The following PCDH7 variants were observed in gnomAD, a reference collection of about 807,000 sequenced individuals.
PCDH7 encodes protocadherin 7, also known as protocadherin-7.
PCDH7 carries 17 observed loss-of-function variants against 58.9 expected under a neutral mutation model. That is an observed-to-expected ratio of 0.29 (90% CI 0.20 to 0.43). PCDH7 has a LOEUF of 0.43. Ranked by LOEUF, PCDH7 falls within the 20% of genes least tolerant of loss-of-function variation. The probability of loss-of-function intolerance (pLI) is 1.00; values close to 1 mark genes in which losing one functional copy is unlikely to be tolerated. For missense variants in PCDH7, 1,274 were observed against 1,441.0 expected, an observed-to-expected ratio of 0.88 and a Z score of 1.88; for synonymous variants, 664 against 616.4, an observed-to-expected ratio of 1.08 and a Z score of -1.14.
intron 1 of PCDH7, among the ~76,000 whole-genome samples, chr4:30,914,118 G>A (rs1023557829): frequency 2.0e-5 from 3 of 152,068 alleles, no homozygotes; most frequent in African/African-American, 7.2e-5. Context: ...TTGCCTACTC[G>A]TGTGGCCTCT....
At chr4:31,065,926 T>C (rs1758052537) in intron 3 of PCDH7, among the ~76,000 whole-genome samples, 1 of 151,938 alleles carries the variant, frequency 6.6e-6, no homozygotes, top group African/African-American at 2.4e-5. Context: ...GTTATTTTGG[T>C]AATGGAGGTG....
At chr4:31,026,244 G>T (rs1350231417) in intron 3 of PCDH7, among the ~76,000 whole-genome samples, 1 of 152,062 alleles carries the variant, frequency 6.6e-6, no homozygotes, top group Non-Finnish European at 1.5e-5. Context: ...CATTTTATTT[G>T]AATTATCTTT....
chr4:31,139,744 C>T (rs191032614), intron 3 of PCDH7, among the ~76,000 whole-genome samples: 23 of 152,270 alleles, frequency 1.5e-4, no homozygotes, highest in Admixed American at 2.0e-4. Flanking sequence ...CTTTAGTCAA[C>T]CAAATTGGAA....
chr4:31,110,245 A>C (rs1716117923), intron 3 of PCDH7, among the ~76,000 whole-genome samples: 1 of 152,200 alleles, frequency 6.6e-6, no homozygotes, highest in Non-Finnish European at 1.5e-5. Context: ...AAACACGGAC[A>C]CTCTAGTTCC....
chr4:30,899,755 A>T (rs1256211614), intron 1 of PCDH7, among the ~76,000 whole-genome samples: 1 of 151,178 alleles, frequency 6.6e-6, no homozygotes, highest in Non-Finnish European at 1.5e-5. Flanking sequence ...TTCACCACAT[A>T]TGTGTGTTTG....
intron 3 of PCDH7, 80 bp from the exon 3 acceptor site, chr4:31,142,393 A>C (rs1720373749): frequency 8.9e-7 from 1 of 1,124,258 alleles, no homozygotes; most frequent in Admixed American, 2.7e-5. Context: ...ATATTTATAT[A>C]TTTCCTCTAA....
At chr4:30,992,973 A>G (rs988168908) in intron 3 of PCDH7, among the ~76,000 whole-genome samples, 1 of 151,492 alleles carries the variant, frequency 6.6e-6, no homozygotes, top group African/African-American at 2.4e-5. Flanking sequence ...TAATTTTTGT[A>G]TTTTCAGTAG....
At position 30,722,537 on chromosome 4, in the gene PCDH7, G is replaced by A. The variant is rs1456914313; in HGVS notation, c.1115G>A (p.Arg372Gln). The stretch of plus-strand genomic sequence containing the variant: ...TCCGGCTGGCTCAGCGTCCTGCACC[G>A]GATCGACCGCGAGGAGGTGAACCAG... The change falls in exon 1 of 2, where the codon CGG (arginine) becomes CAG (glutamine). Residue 372 changes from arginine (R) to glutamine (Q), a missense_variant. Transcript: ENST00000361762. This position sits in a 1 kb window ranked among gnomAD's most constrained non-coding sequence, Gnocchi z 7.6. 6.2e-7 allele frequency: 1 copy of A among 1,612,198 alleles called. No individual in the cohort carries two copies. The highest frequency in any genetic ancestry group is 1.7e-5 in the Admixed American group (1 of 59,968).
chr4:30,861,245 G>A (rs1734155817), intron 1 of PCDH7, among the ~76,000 whole-genome samples: 1 of 152,020 alleles, frequency 6.6e-6, no homozygotes, highest in African/African-American at 2.4e-5. Context: ...TTGTTTTTCC[G>A]GTAGAGGTAA....
At chr4:30,834,299 GC>G (rs952331173) in intron 1 of PCDH7, among the ~76,000 whole-genome samples, 1 of 152,110 alleles carries the variant, frequency 6.6e-6, no homozygotes, top group African/African-American at 2.4e-5. Flanking sequence ...AAAGGGCCCT[GC>G]TTTTTCCTTT....
chr4:30,858,275 A>G (rs796220210), intron 1 of PCDH7, among the ~76,000 whole-genome samples: 1 of 152,056 alleles, frequency 6.6e-6, no homozygotes. Context: ...AAGCCTTTAA[A>G]TTACCTTTTT....
rs535985416 is a variant in PCDH7, at chr4:31,130,695, G to A, written c.*8-11778G>A. ...TTCTAGAGGCTCAAGGGGAGAATCC[G>A]CTTCCTTGCCTCTTCCTGTTTCTGG... On this transcript the variant is annotated intron_variant, in intron 3 of 3. Coordinates refer to the PCDH7 transcript ENST00000509759. 9.9e-5 allele frequency among the ~76,000 whole-genome samples: 15 copies of A among 152,282 alleles called. No individual in the cohort carries two copies. In the South Asian group the frequency reaches 2.5e-3, roughly 25 times the overall value.
chr4:30,864,802 G>A (rs1033655707), intron 1 of PCDH7, among the ~76,000 whole-genome samples: 1 of 152,054 alleles, frequency 6.6e-6, no homozygotes, highest in African/African-American at 2.4e-5. Context: ...TCACAGGCTG[G>A]ATTAGGGGTG....
chr4:30,899,513 T>C (rs1739923747), intron 1 of PCDH7, among the ~76,000 whole-genome samples: 1 of 152,162 alleles, frequency 6.6e-6, no homozygotes, highest in Non-Finnish European at 1.5e-5. Context: ...AGGTGGAATA[T>C]ACTATATCAT....
chr4:31,109,468 C>A (rs1233112028), intron 3 of PCDH7, among the ~76,000 whole-genome samples: 3 of 152,066 alleles, frequency 2.0e-5, no homozygotes, highest in Non-Finnish European at 2.9e-5. Context: ...AGGATAAAGT[C>A]AAGTTTGTTG....
At chr4:31,062,246 C>G (rs1312277447) in intron 3 of PCDH7, among the ~76,000 whole-genome samples, 2 of 151,584 alleles carry the variant, frequency 1.3e-5, no homozygotes, top group Non-Finnish European at 3.0e-5. Flanking sequence ...CATCCTAGAA[C>G]ATTTGGATAA....
intron 3 of PCDH7, among the ~76,000 whole-genome samples, chr4:31,138,853 A>G (rs1010410474): frequency 2.0e-5 from 3 of 151,968 alleles, no homozygotes; most frequent in Middle Eastern, 6.8e-3. Context: ...GTGCGCGCCT[A>G]TAACTGTAGC....
At chr4:30,959,518 A>G (rs1218478916) in intron 3 of PCDH7, among the ~76,000 whole-genome samples, 2 of 152,116 alleles carry the variant, frequency 1.3e-5, no homozygotes, top group African/African-American at 4.8e-5. Context: ...TTATTATTAC[A>G]TATTATGGAT....
chr4:31,024,267 A>G (rs76288310), intron 3 of PCDH7, among the ~76,000 whole-genome samples: 2,083 of 152,270 alleles, frequency 0.014, 48 homozygotes, highest in African/African-American at 0.046. Flanking sequence ...TTCAGGGTAG[A>G]TATTATTCAT....
Sources: gnomAD v4.1 joint callset for allele counts (sites outside exome capture counted in the v4.1 genomes callset) on GRCh38, gnomAD v4.1.1 for gene constraint, Gnocchi (gnomAD v3.1) non-coding constraint, MANE v1.5 for transcripts, NCBI Gene and HGNC (gene_info 2026-07-23, HGNC 2026-07-21) for gene names.